The following DNAH11 variants were observed in gnomAD, a reference collection of about 807,000 sequenced individuals.
DNAH11 encodes the protein dynein axonemal heavy chain 11.
A neutral mutation model predicts 526.0 loss-of-function variants in DNAH11; 442 were observed. The ratio of observed to expected loss-of-function variants is 0.84; its 90% CI spans 0.78 to 0.91. The LOEUF (loss-of-function observed/expected upper bound fraction) is 0.91. DNAH11 is among the 40% of genes least tolerant of loss of function. DNAH11 has a pLI of 0.00. For missense variants in DNAH11, 6,989 were observed against 5,448.7 expected (o/e 1.28, Z -8.90); for synonymous variants, 2,461 against 1,935.9 (o/e 1.27, Z -7.12).
chr7:21,883,149 A>G (rs2128043144), intron 75 of DNAH11, among the ~76,000 whole-genome samples: 1 of 152,382 alleles, frequency 6.6e-6, no homozygotes, highest in East Asian at 1.9e-4. Flanking sequence ...ACTTGTAGAA[A>G]AGTACATTGG....
At chr7:21,649,820 C>T (rs949446368) in intron 28 of DNAH11, among the ~76,000 whole-genome samples, 6 of 152,024 alleles carry the variant, frequency 3.9e-5, no homozygotes, top group African/African-American at 1.2e-4. Flanking sequence ...TGTGCACCAC[C>T]GTGGCCAGCT....
chr7:21,715,904 C>T (rs74990974), intron 42 of DNAH11, among the ~76,000 whole-genome samples: 1 of 149,176 alleles, frequency 6.7e-6, no homozygotes, highest in African/African-American at 2.5e-5. Context: ...TCGGCTCTTA[C>T]CACATCTCCT....
intron 74 of DNAH11, among the ~76,000 whole-genome samples, chr7:21,875,400 A>C (rs539980154): frequency 6.6e-6 from 1 of 152,256 alleles, no homozygotes; most frequent in East Asian, 1.9e-4. Context: ...ATTATCCTTC[A>C]GCTTTTTTGT....
At chr7:21,884,446 C>A in intron 76 of DNAH11, 36 bp downstream of exon 76, 1 of 1,571,090 alleles carries the variant, frequency 6.4e-7, no homozygotes, top group Non-Finnish European at 8.6e-7. Context: ...AAATAAATTT[C>A]ACTGAGCAAA....
At chr7:21,613,259 AT>A (rs1785609085) in intron 20 of DNAH11, among the ~76,000 whole-genome samples, 1 of 152,190 alleles carries the variant, frequency 6.6e-6, no homozygotes, top group African/African-American at 2.4e-5. Context: ...AAATTTTAAC[AT>A]TTAGCGCTTA....
intron 30 of DNAH11, among the ~76,000 whole-genome samples, chr7:21,673,311 C>T (rs1442822424): frequency 6.6e-6 from 1 of 152,146 alleles, no homozygotes; most frequent in Admixed American, 6.5e-5. Context: ...GGCAGGTAAT[C>T]TTATATTCTC....
intron 18 of DNAH11, among the ~76,000 whole-genome samples, chr7:21,602,604 C>T (rs1197838542): frequency 1.3e-5 from 2 of 148,910 alleles, no homozygotes; most frequent in Non-Finnish European, 3.0e-5. Context: ...TGTGTGTACA[C>T]ACATGTACTT....
At chr7:21,772,532 A>C (rs1787484656) in intron 55 of DNAH11, among the ~76,000 whole-genome samples, 1 of 152,066 alleles carries the variant, frequency 6.6e-6, no homozygotes. Context: ...TCTCCAAAGG[A>C]TTATGATTTA....
intron 45 of DNAH11, among the ~76,000 whole-genome samples, chr7:21,727,920 C>A (rs1412798232): frequency 6.6e-6 from 1 of 152,210 alleles, no homozygotes; most frequent in Non-Finnish European, 1.5e-5. Flanking sequence ...ATAGGCATCG[C>A]TTGCCGTGAC....
intron 54 of DNAH11, among the ~76,000 whole-genome samples, chr7:21,763,332 A>ACT (rs1787007442): frequency 1.6e-5 from 2 of 127,242 alleles, no homozygotes; most frequent in Non-Finnish European, 3.3e-5. Flanking sequence ...ACAGAGCAAG[A>ACT]CTGTCTCAAA....
At chr7:21,854,903 A>G (rs1324715265) in intron 68 of DNAH11, among the ~76,000 whole-genome samples, 2 of 152,162 alleles carry the variant, frequency 1.3e-5, no homozygotes, top group Non-Finnish European at 2.9e-5. Context: ...TGGTTAACAA[A>G]ATAACAAAAG....
chr7:21,748,642 G>T lies in DNAH11; in HGVS notation c.8573G>T (p.Gly2858Val), dbSNP rs757621175. Reference protein sequence around the residue: ...QGCALLVGVGGSGKQSLSRLA... With the variant: ...QGCALLVGVGVSGKQSLSRLA... ...TGTGCTCTCTTGGTTGGAGTTGGGG[G>T]CAGTGGCAAGCAGAGCTTGTCCAGG... Residue 2858 changes from glycine (G) to valine (V), a missense_variant, in exon 52 of 82, where the codon GGC becomes GTC. By Grantham distance (109) the Gly-to-Val change is moderately radical (BLOSUM62 -3). Transcript: ENST00000409508. 6.2e-7 allele frequency: 1 copy of T among 1,613,236 alleles called. No homozygotes were observed. Among genetic ancestry groups the T allele is most frequent in the South Asian group, 1.1e-5 (1 of 90,954 alleles).
In DNAH11 at chr7:21,745,078, C is replaced by G. The variant is rs370252599; in HGVS notation, c.8510+15C>G. Reference sequence around the variant, plus strand: ...ATGCAACATGTGTGAGTTAACTAGTCACGATGCTTTTCCACAAAAGGAAGA... The same window carrying G: ...ATGCAACATGTGTGAGTTAACTAGTGACGATGCTTTTCCACAAAAGGAAGA... On this transcript the variant is annotated intron_variant, in intron 51 of 81. Coordinates refer to ENST00000409508, the MANE Select transcript of DNAH11 (RefSeq NM_001277115.2). The G allele has an allele frequency of 5.0e-5, 80 of 1,593,032 alleles. No individual in the cohort carries two copies. In the African/African-American group the frequency reaches 9.2e-4, roughly 18 times the overall value.
chr7:21,736,459 T>C (rs1583643502), intron 46 of DNAH11, among the ~76,000 whole-genome samples: 3 of 152,206 alleles, frequency 2.0e-5, no homozygotes, highest in Admixed American at 6.5e-5. Context: ...GGGGGCTCTG[T>C]TGGGGGGCAA....
At chr7:21,825,637 A>G (rs1429012835) in intron 65 of DNAH11, among the ~76,000 whole-genome samples, 1 of 143,670 alleles carries the variant, frequency 7.0e-6, no homozygotes, top group African/African-American at 2.6e-5. Context: ...TCCCACTTTT[A>G]TTTTTGAATG....
chr7:21,803,156 G>T (rs1789070338), intron 62 of DNAH11, among the ~76,000 whole-genome samples: 1 of 152,118 alleles, frequency 6.6e-6, no homozygotes, highest in African/African-American at 2.4e-5. Flanking sequence ...AATGCCTTTA[G>T]CTGACAAGCA....
intron 68 of DNAH11, among the ~76,000 whole-genome samples, chr7:21,859,165 A>G (rs1365466703): frequency 1.3e-5 from 2 of 152,038 alleles, no homozygotes; most frequent in African/African-American, 4.8e-5. Flanking sequence ...CCAGACTGGA[A>G]TGTAGTGGTG....
intron 8 of DNAH11, among the ~76,000 whole-genome samples, chr7:21,572,480 G>C (rs544320518): frequency 4.6e-5 from 7 of 152,150 alleles, no homozygotes; most frequent in Non-Finnish European, 1.0e-4. Flanking sequence ...GATTTAAGCT[G>C]CTTCTGTGCT....
intron 65 of DNAH11, among the ~76,000 whole-genome samples, chr7:21,832,240 T>C (rs1781813516): frequency 6.6e-6 from 1 of 152,204 alleles, no homozygotes; most frequent in African/African-American, 2.4e-5. Flanking sequence ...GCTGGTTGTT[T>C]TGCCTGTTAG....
Sources: gnomAD v4.1 joint callset for allele counts (sites outside exome capture counted in the v4.1 genomes callset) on GRCh38, gnomAD v4.1.1 for gene constraint, MANE v1.5 for transcripts, NCBI Gene and HGNC (gene_info 2026-07-23, HGNC 2026-07-21) for gene names.